Variants in UBR4 observed in about 807,000 individuals in gnomAD.
UBR4 encodes the protein ubiquitin protein ligase E3 component n-recognin 4.
UBR4 carries 124 observed loss-of-function variants against 575.6 expected under a neutral mutation model. The observed-to-expected ratio is 0.22, with a 90% CI of 0.19 to 0.25. The LOEUF (loss-of-function observed/expected upper bound fraction) is 0.25, where lower values mean the gene tolerates loss of function less well. UBR4 is among the 10% of genes least tolerant of loss of function. The probability of loss-of-function intolerance (pLI) is 1.00; values close to 1 mark genes in which losing one functional copy is unlikely to be tolerated. For missense variants in UBR4, 4,818 were observed against 6,478.8 expected (o/e 0.74, Z 8.80); for synonymous variants, 2,455 against 2,473.7 (o/e 0.99, Z 0.22).
chr1:19,142,677 T>C (rs1346060677), intron 55 of UBR4, among the ~76,000 whole-genome samples: 2 of 152,178 alleles, frequency 1.3e-5, no homozygotes, highest in Admixed American at 6.5e-5. Flanking sequence ...TAAAATACAT[T>C]CTGGATTCCC....
In UBR4 at chr1:19,187,252, C is replaced by T. The variant is rs1189548410; in HGVS notation, c.1544G>A (p.Ser515Asn). Reference protein sequence around the residue: ...PPAALSIMAQSTSIQRIQRLI... With the variant: ...PPAALSIMAQNTSIQRIQRLI... The stretch of plus-strand genomic sequence containing the variant: ...CCGTTGAATCCTCTGTATGGAGGTG[C>T]TCTGGGCCATAATGCTCAAGGCTGC... Residue 515 changes from serine to asparagine, a missense_variant, in exon 13 of 106, where the codon AGC (serine) becomes AAC (asparagine). Around this residue, in one of 29 missense-constraint regions of UBR4, gnomAD observed 162 missense variants for 216.4 expected, o/e 0.75. Transcript: ENST00000375254. 6.2e-7 allele frequency: 1 copy of T among 1,613,972 alleles called. No homozygotes were observed. Among genetic ancestry groups the T allele is most frequent in the Non-Finnish European group, 8.5e-7 (1 of 1,179,950 alleles).
rs1391860939 is a variant in UBR4 at position 19,123,018 on chromosome 1, G to A, written c.9631C>T (p.Arg3211Cys). ...CCACAGATGAAGAGCAGAAGTTTGC[G>A]GACTTGACGGCGCACAAATGGAGTC... Reference protein sequence around the residue: ...QQTPFVRRQVRKLLLFICGSK... With the variant: ...QQTPFVRRQVCKLLLFICGSK... Residue 3211 changes from arginine (R) to cysteine (C), a missense_variant, in exon 66 of 106, where the codon CGC becomes TGC. Physicochemically the swap from Arg to Cys is radical, Grantham distance 180 (BLOSUM62 -3). Coordinates refer to ENST00000375254, the MANE Select transcript of UBR4 (RefSeq NM_020765.3). The A allele has an allele frequency of 3.1e-6, 5 of 1,614,172 alleles. No homozygotes were observed. Among genetic ancestry groups the A allele is most frequent in the East Asian group, 2.2e-5 (1 of 44,878 alleles).
intron 22 of UBR4, 129 bp downstream of exon 22, chr1:19,174,190 T>C: frequency 8.2e-7 from 1 of 1,224,556 alleles, no homozygotes; most frequent in Non-Finnish European, 1.1e-6. Flanking sequence ...TACCTAGAAA[T>C]ACTCAAGTAT....
At position 19,184,159 on chromosome 1, in the gene UBR4, G is replaced by A; in HGVS notation, c.1955C>T (p.Ser652Phe). ...AGAGGTGATGAAGTTCAAAATGTTG[G>A]AAGCCAGACCTAAGAACTGAAAGGA... ...KDPELFLGLA[S>F]NILNFITSSM... Residue 652 changes from serine (S) to phenylalanine (F), a missense_variant, in exon 16 of 106, where the codon TCC becomes TTC. By Grantham distance (155) the Ser-to-Phe change is radical (BLOSUM62 -2). This residue lies in a region of UBR4 where 1,172 missense variants were observed against 1,259.7 expected (regional missense o/e 0.93). Coordinates refer to ENST00000375254, the MANE Select transcript of UBR4 (RefSeq NM_020765.3). The A allele has an allele frequency of 6.2e-7, 1 of 1,614,100 alleles. No homozygotes were observed. The highest frequency in any genetic ancestry group is 8.5e-7 in the Non-Finnish European group (1 of 1,179,988).
chr1:19,186,439 T>C (rs1436676582), intron 14 of UBR4, 101 bp downstream of exon 14: 5 of 1,027,554 alleles, frequency 4.9e-6, no homozygotes, highest in Non-Finnish European at 5.5e-6. Flanking sequence ...GAAAACAAAA[T>C]GGAAACTTTT....
intron 60 of UBR4, among the ~76,000 whole-genome samples, chr1:19,133,945 G>C (rs1379576915): frequency 6.6e-6 from 1 of 152,066 alleles, no homozygotes; most frequent in Non-Finnish European, 1.5e-5. Flanking sequence ...TGGGTGCCAG[G>C]TGTGGTGGCA....
At chr1:19,208,643 G>A (rs1225799157) in intron 1 of UBR4, among the ~76,000 whole-genome samples, 1 of 152,022 alleles carries the variant, frequency 6.6e-6, no homozygotes, top group Non-Finnish European at 1.5e-5. Flanking sequence ...CCACATACAT[G>A]GCAAAATTCA....
At position 19,096,497 on chromosome 1, in the gene UBR4, C is replaced by G. The variant is rs1236348734; in HGVS notation, c.13518+26G>C. Reference sequence around the variant, plus strand: ...CTCTCCCAGTGCAGAAAGGCTGGCCCCCACAACTTGCTGCCCCCAACTCAC... The same window carrying G: ...CTCTCCCAGTGCAGAAAGGCTGGCCGCCACAACTTGCTGCCCCCAACTCAC... On this transcript the variant is annotated intron_variant, in intron 92 of 105. Transcript: ENST00000375254. The G allele has an allele frequency of 1.9e-6, 3 of 1,607,390 alleles. No individual in the cohort carries two copies. In the Admixed American group the frequency reaches 5.1e-5, roughly 27 times the overall value.
rs545160826 is a variant in UBR4 at position 19,170,943 on chromosome 1, A to C, written c.3522-60T>G. 6.2e-6 allele frequency: 10 copies of C among 1,612,326 alleles called. No homozygotes were observed. In the South Asian group the frequency reaches 1.1e-4, roughly 18 times the overall value. The stretch of plus-strand genomic sequence containing the variant: ...GATTCTAATCCCACCAGTTAGGAAA[A>C]ACTGGCCCTAGACTGGCTGAAAACC... On this transcript the variant is annotated intron_variant, in intron 25 of 105. Transcript: ENST00000375254.
Position 19,165,337 on chromosome 1 carries a change from T to A in UBR4, c.4224A>T (p.Val1408=). 1 of 1,613,480 alleles carries A rather than the reference T, an allele frequency of 6.2e-7. No homozygotes were observed. The highest frequency in any genetic ancestry group is 8.5e-7 in the Non-Finnish European group (1 of 1,179,826). ...EEFFSDSGEL[V]QIMMATANEN... Reference sequence around the variant, plus strand: ...CATTGGCTGTTGCCATCATGATCTGTACAAGTTCTCCACTGGGAGGCAAGA... The same window carrying A: ...CATTGGCTGTTGCCATCATGATCTGAACAAGTTCTCCACTGGGAGGCAAGA... Residue 1408 remains valine, a synonymous_variant, in exon 31 of 106, where the codon GTA becomes GTT. Transcript: ENST00000375254.
Position 19,170,750 on chromosome 1 carries a change from T to C in UBR4, c.3643+12A>G, listed in dbSNP as rs1262784644. ...GTAATAATATTACTCAAAAGCACATTTGTTCTCTTACCCAGAGTATTTGCC... is the reference window on the plus strand; with the variant it reads ...GTAATAATATTACTCAAAAGCACATCTGTTCTCTTACCCAGAGTATTTGCC... On this transcript the variant is annotated intron_variant, in intron 26 of 105. Coordinates refer to ENST00000375254, the MANE Select transcript of UBR4 (RefSeq NM_020765.3). The C allele has an allele frequency of 6.2e-7, 1 of 1,614,180 alleles. No homozygotes were observed. The highest frequency in any genetic ancestry group is 1.7e-5 in the Admixed American group (1 of 60,018).
At chr1:19,199,243 A>T (rs553741510) in intron 3 of UBR4, among the ~76,000 whole-genome samples, 1 of 152,326 alleles carries the variant, frequency 6.6e-6, no homozygotes, top group South Asian at 2.1e-4. Flanking sequence ...CCAGAGCCAA[A>T]TAGTGGTTAG....
Position 19,173,253 on chromosome 1 carries a change from T to C in UBR4, c.3219A>G (p.Glu1073=). 1 of 1,614,200 alleles carries C rather than the reference T, an allele frequency of 6.2e-7. No individual in the cohort carries two copies. The highest frequency in any genetic ancestry group is 8.5e-7 in the Non-Finnish European group (1 of 1,180,024). The change falls in exon 24 of 106, where the codon GAA becomes GAG. Residue 1073 remains glutamate (E), a synonymous_variant. Transcript: ENST00000375254. ...AGCTACACTTAGTGGTGGATGCCAG[T>C]TCTAGAAGCGAGCTAGCATGCTCAG... The part of the protein sequence containing the change: ...MKAEHASSLL[E]LASTTKCSSV...
rs1553226959 is a variant in UBR4, at chr1:19,190,312, AATAT to A, written c.1394+1872_1394+1875del. Among the ~76,000 whole-genome samples the A allele has an allele frequency of 4.4e-3, 355 of 79,868 alleles. 11 individuals carry two copies. Among genetic ancestry groups the A allele is most frequent in the Middle Eastern group, 0.014 (3 of 210 alleles). The allele number at this position is 79,868 out of a possible 152,430, so 52.4% of individuals were successfully genotyped here. ...TGCCTCAAAAAAAAAAAAAAAAAAAAATATATATATATATATATTTGTATGGATA... is the reference window on the plus strand; with the variant it reads ...TGCCTCAAAAAAAAAAAAAAAAAAAAATATATATATATATTTGTATGGATA... On this transcript the variant is annotated intron_variant, in intron 11 of 105. Coordinates refer to ENST00000375254, the MANE Select transcript of UBR4 (RefSeq NM_020765.3).
At chr1:19,124,401 G>A (rs1183598068) in intron 65 of UBR4, 140 bp downstream of exon 65, 3 of 1,142,576 alleles carry the variant, frequency 2.6e-6, no homozygotes, top group Non-Finnish European at 3.6e-6. Context: ...GTTCCAGAAG[G>A]GCAAGACCAA....
chr1:19,119,756 G>A (rs1369548447), intron 69 of UBR4, 55 bp from the exon 70 acceptor site: 1 of 1,572,812 alleles, frequency 6.4e-7, no homozygotes, highest in African/African-American at 1.4e-5. Context: ...TGAGGCACCT[G>A]TGTTTATCAT....
chr1:19,126,522 G>A lies in UBR4; in HGVS notation c.9362C>T (p.Thr3121Ile), dbSNP rs753433692. 1 of 1,614,184 alleles carries A rather than the reference G, an allele frequency of 6.2e-7. No homozygotes were observed. Among genetic ancestry groups the A allele is most frequent in the Non-Finnish European group, 8.5e-7 (1 of 1,180,024 alleles). The change falls in exon 64 of 106, where the codon ACC (threonine) becomes ATC (isoleucine). Residue 3121 changes from threonine (T) to isoleucine (I), a missense_variant. Physicochemically the swap from Thr to Ile is moderately conservative, Grantham distance 89. Coordinates refer to ENST00000375254, the MANE Select transcript of UBR4 (RefSeq NM_020765.3). Reference sequence around the variant, plus strand: ...AGTATGTGGTTTCAGCAACTGGCTGGTAGCCACAGGCTCCTCGTCATTCTG... The same window carrying A: ...AGTATGTGGTTTCAGCAACTGGCTGATAGCCACAGGCTCCTCGTCATTCTG... Reference protein sequence around the residue: ...SQQNDEEPVATSQLLKPHTTS... With the variant: ...SQQNDEEPVAISQLLKPHTTS...
Position 19,187,521 on chromosome 1 carries a change from G to A in UBR4, c.1414C>T (p.Leu472Phe). The A allele has an allele frequency of 6.2e-7, 1 of 1,613,666 alleles. No homozygotes were observed. Among genetic ancestry groups the A allele is most frequent in the Non-Finnish European group, 8.5e-7 (1 of 1,179,956 alleles). Residue 472 changes from leucine (L) to phenylalanine (F), a missense_variant, in exon 12 of 106, where the codon CTC becomes TTC. By Grantham distance (22) the Leu-to-Phe change is conservative (BLOSUM62 0). Around this residue, in one of 29 missense-constraint regions of UBR4, gnomAD observed 162 missense variants for 216.4 expected, o/e 0.75. Transcript: ENST00000375254. ...PGKGHQGFGV[L>F]SVILANHAIK... is the part of the protein sequence containing the mutation. ...GCATGGTTTGCCAATATTACTGAGAGTACCCCAAATCCCTGATGCCTACAC... is the reference window on the plus strand; with the variant it reads ...GCATGGTTTGCCAATATTACTGAGAATACCCCAAATCCCTGATGCCTACAC...
chr1:19,165,207 A>G, intron 31 of UBR4, 42 bp downstream of exon 31: 2 of 1,575,854 alleles, frequency 1.3e-6, no homozygotes, highest in Non-Finnish European at 1.7e-6. Context: ...TTAGCCGGAC[A>G]TCAAAGTTCC....
Sources: gnomAD v4.1 joint callset for allele counts (sites outside exome capture counted in the v4.1 genomes callset) on GRCh38, gnomAD v4.1.1 for gene constraint, gnomAD v4.1.1 regional missense constraint, MANE v1.5 for transcripts, NCBI Gene and HGNC (gene_info 2026-07-23, HGNC 2026-07-21) for gene names.